PLIN2: variants seen among roughly 807,000 people sequenced by gnomAD.
PLIN2 encodes the protein perilipin 2.
A neutral mutation model predicts 30.6 loss-of-function variants in PLIN2; 33 were observed. The ratio of observed to expected loss-of-function variants is 1.08; its 90% CI spans 0.82 to 1.44. The LOEUF is 1.44. Ranked by LOEUF, PLIN2 falls within the 40% of genes most tolerant of loss-of-function variation. The pLI, the probability that PLIN2 is intolerant of heterozygous loss-of-function variation, is 0.00. For synonymous variants in PLIN2, 205 were observed against 201.1 expected, an observed-to-expected ratio of 1.02 and a Z score of -0.16; for missense variants, 610 against 531.8, an observed-to-expected ratio of 1.15 and a Z score of -1.45.
chr9:19,111,971 T>C (rs1322379510), downstream of PLIN2, among the ~76,000 whole-genome samples: 1 of 152,168 alleles, frequency 6.6e-6, no homozygotes, highest in Admixed American at 6.6e-5. Flanking sequence ...GCTGGTATTA[T>C]ATACTCACAC....
chr9:19,126,123 C>G lies in PLIN2; in HGVS notation c.217G>C (p.Glu73Gln). The G allele has an allele frequency of 6.2e-7, 1 of 1,613,778 alleles. No individual in the cohort carries two copies. Among genetic ancestry groups the G allele is most frequent in the Non-Finnish European group, 8.5e-7 (1 of 1,179,768 alleles). ...AAAAATCAGAACTCACTTTGCGGCT[C>G]TAGCTTCTGGATGATGGGCAGAGCA... ...TSALPIIQKL[E>Q]PQIAVANTYA... is the part of the protein sequence containing the mutation. The change falls in exon 3 of 8, where the codon GAG becomes CAG. Residue 73 changes from glutamate to glutamine, a missense_variant. By Grantham distance (29) the Glu-to-Gln change is conservative. Transcript: ENST00000276914.
In PLIN2 at chr9:19,127,433, G is replaced by A. The variant is rs919138975; in HGVS notation, c.-37C>T. 11 of 152,336 alleles carry A rather than the reference G, an allele frequency of 7.2e-5. No homozygotes were observed. Among genetic ancestry groups the A allele is most frequent in the Non-Finnish European group, 5.9e-5 (4 of 68,048 alleles). The allele number at this position is 152,336 out of a possible 1,614,324, so 9.4% of individuals were successfully genotyped here. On this transcript the variant is annotated 5_prime_UTR_variant, in exon 1 of 8. Coordinates refer to ENST00000276914, the MANE Select transcript of PLIN2 (RefSeq NM_001122.4). This position sits in a 1 kb window ranked among gnomAD's most constrained non-coding sequence, Gnocchi z 4.3. Reference sequence around the variant, plus strand: ...CGCGCACTCACCGACGGACTGCAGCGAAAGGCGAAGAGCAGGCGCGTCCCG... The same window carrying A: ...CGCGCACTCACCGACGGACTGCAGCAAAAGGCGAAGAGCAGGCGCGTCCCG...
rs1588644466 is a variant in PLIN2 at position 19,119,653 on chromosome 9, G to A, written c.774C>T (p.His258=). ...QTISQLHSTV[H]LIEFARKNVY... ...CTTAAAATAAAGTTTTACTCACCAGGTGAACAGTAGAATGGAGCTGAGAAA... is the reference window on the plus strand; with the variant it reads ...CTTAAAATAAAGTTTTACTCACCAGATGAACAGTAGAATGGAGCTGAGAAA... Residue 258 remains histidine, a synonymous_variant, in exon 6 of 8, where the codon CAC becomes CAT. Coordinates refer to ENST00000276914, the MANE Select transcript of PLIN2 (RefSeq NM_001122.4). 3 of 1,564,784 alleles carry A rather than the reference G, an allele frequency of 1.9e-6. No individual in the cohort carries two copies. Among genetic ancestry groups the A allele is most frequent in the Non-Finnish European group, 2.6e-6 (3 of 1,150,620 alleles).
At chr9:19,113,215 C>T (rs747886671), downstream of PLIN2, among the ~76,000 whole-genome samples, 10 of 151,940 alleles carry the variant, frequency 6.6e-5, no homozygotes, top group Admixed American at 2.0e-4. Context: ...TGGTGGTGCA[C>T]GCCTATACTT....
intron 7 of PLIN2, among the ~76,000 whole-genome samples, chr9:19,117,840 A>G (rs2131178042): frequency 6.6e-6 from 1 of 151,512 alleles, no homozygotes; most frequent in East Asian, 2.0e-4. Context: ...GATGGTCTCG[A>G]TCTCCTGACC....
intron 1 of PLIN2, among the ~76,000 whole-genome samples, chr9:19,126,868 C>A (rs192235961): frequency 9.9e-5 from 15 of 152,138 alleles, no homozygotes; most frequent in Non-Finnish European, 1.8e-4. Context: ...GTGGTGAAAC[C>A]CCGTCTCTTC....
At chr9:19,123,714 G>T (rs1818354728) in intron 3 of PLIN2, 67 bp from the exon 4 acceptor site, 1 of 1,384,896 alleles carries the variant, frequency 7.2e-7, no homozygotes, top group Non-Finnish European at 1.0e-6. Flanking sequence ...CATTACCATA[G>T]GCCTTATAAA....
chr9:19,112,170 ATTTT>A (rs1477584469), downstream of PLIN2, among the ~76,000 whole-genome samples: 1 of 152,180 alleles, frequency 6.6e-6, no homozygotes, highest in Non-Finnish European at 1.5e-5. Context: ...ATTCCTTTGC[ATTTT>A]TGCATAGGAC....
At chr9:19,110,094 G>A (rs1163833879) in intron 2 of PLIN2, among the ~76,000 whole-genome samples, 1 of 152,082 alleles carries the variant, frequency 6.6e-6, no homozygotes, top group Non-Finnish European at 1.5e-5. Context: ...CGTAATCTCA[G>A]CTGTCTGCAA....
chr9:19,108,504 G>A (rs1292700315), exon 3 of PLIN2: 3 of 152,510 alleles, frequency 2.0e-5, no homozygotes, highest in Non-Finnish European at 4.4e-5. Context: ...TAAGACCAAT[G>A]TAGCCAAAAA....
Position 19,118,325 on chromosome 9 carries a change from G to A in PLIN2, c.908C>T (p.Ala303Val). 1 of 1,607,092 alleles carries A rather than the reference G, an allele frequency of 6.2e-7. No homozygotes were observed. Among genetic ancestry groups the A allele is most frequent in the East Asian group, 2.2e-5 (1 of 44,724 alleles). Residue 303 changes from alanine (A) to valine (V), a missense_variant, in exon 7 of 8, where the codon GCT becomes GTT. Physicochemically the swap from Ala to Val is moderately conservative, Grantham distance 64. Transcript: ENST00000276914. ...GYDDTDESHC[A>V]EHIESRTLAI... ...TGACCGTCCCAGTCATCTTACCTCAGCACAGTGGGACTCATCAGTATCATC... is the reference window on the plus strand; with the variant it reads ...TGACCGTCCCAGTCATCTTACCTCAACACAGTGGGACTCATCAGTATCATC...
intron 4 of PLIN2, among the ~76,000 whole-genome samples, chr9:19,121,644 A>T (rs1293636291): frequency 1.3e-5 from 2 of 152,208 alleles, no homozygotes; most frequent in African/African-American, 4.8e-5. Flanking sequence ...TGCAGTTATT[A>T]TACATGGCAG....
intron 4 of PLIN2, chr9:19,123,115 A>G: frequency 2.1e-6 from 1 of 484,110 alleles, no homozygotes; most frequent in East Asian, 3.4e-5. Flanking sequence ...AAATTTTAGG[A>G]CATTATCTGA....
chr9:19,121,162 C>A lies in PLIN2; in HGVS notation c.313G>T (p.Val105Phe), dbSNP rs555343976. ...GTCACAGCGCCTTTGGCATTGGCAA[C>A]AATCTGTAAGTAGAAAAGCAGATCC... is the stretch of plus-strand genomic sequence containing the variant. ...PILNQPSTQI[V>F]ANAKGAVTGA... Residue 105 changes from valine (V) to phenylalanine (F), a missense_variant, in exon 5 of 8, where the codon GTT becomes TTT. Physicochemically the swap from Val to Phe is conservative, Grantham distance 50. Transcript: ENST00000276914. 2 of 1,613,724 alleles carry A rather than the reference C, an allele frequency of 1.2e-6. No homozygotes were observed. Among genetic ancestry groups the A allele is most frequent in the South Asian group, 2.2e-5 (2 of 91,080 alleles).
At chr9:19,126,573 C>G (rs1424164325) in intron 1 of PLIN2, 125 bp from the exon 2 acceptor site, 1 of 642,792 alleles carries the variant, frequency 1.6e-6, no homozygotes, top group South Asian at 1.9e-5. Flanking sequence ...GTCTTCTGCA[C>G]TTCTTTCCTC....
At chr9:19,113,812 C>A (rs1818187248), downstream of PLIN2, among the ~76,000 whole-genome samples, 1 of 148,858 alleles carries the variant, frequency 6.7e-6, no homozygotes, top group Admixed American at 6.7e-5. Context: ...CGCCCTGTCG[C>A]TGGACAGGCT....
downstream of PLIN2, among the ~76,000 whole-genome samples, chr9:19,111,801 G>GT (rs1182104909): frequency 1.1e-4 from 17 of 151,598 alleles, no homozygotes; most frequent in African/African-American, 3.2e-4. Flanking sequence ...TTCATTAGTT[G>GT]TTTTTTTTCC....
chr9:19,126,512 C>G (rs1818402765), intron 1 of PLIN2, 64 bp from the exon 2 acceptor site: 3 of 1,029,990 alleles, frequency 2.9e-6, no homozygotes, highest in African/African-American at 1.6e-5. Flanking sequence ...TTCCCCAACC[C>G]AAGCAAATGC....
Position 19,120,974 on chromosome 9 carries a change from C to G in PLIN2, c.501G>C (p.Arg167=), listed in dbSNP as rs1818305130. The G allele has an allele frequency of 1.9e-6, 3 of 1,614,188 alleles. No individual in the cohort carries two copies. In the East Asian group the frequency reaches 6.7e-5, roughly 36 times the overall value. ...SGSINTVLGS[R]MMQLVSSGVE... ...CGCCACTGCTCACGAGCTGCATCAT[C>G]CGACTCCCCAAGACTGTGTTAATGC... Residue 167 remains arginine, a synonymous_variant, in exon 5 of 8, where the codon CGG becomes CGC. Coordinates refer to ENST00000276914, the MANE Select transcript of PLIN2 (RefSeq NM_001122.4).
Sources: allele counts gnomAD v4.1 joint callset (sites outside exome capture counted in the v4.1 genomes callset), GRCh38; gene constraint gnomAD v4.1.1; non-coding constraint Gnocchi (gnomAD v3.1); transcripts MANE v1.5; gene names NCBI Gene and HGNC (gene_info 2026-07-23, HGNC 2026-07-21).